TTLL11: variants seen among roughly 807,000 people sequenced by gnomAD.
TTLL11 encodes tubulin tyrosine ligase like 11.
Under a neutral mutation model 51.7 loss-of-function variants are expected in TTLL11, and 42 were observed. The observed-to-expected ratio is 0.81, with a 90% CI of 0.64 to 1.05. TTLL11 has a LOEUF of 1.05. Among genes scored for constraint, TTLL11 ranks in the 50% least tolerant of loss-of-function variants. The probability of loss-of-function intolerance (pLI) is 0.00; values close to 1 mark genes in which losing one functional copy is unlikely to be tolerated. For synonymous variants in TTLL11, 381 were observed against 383.5 expected (o/e 0.99, Z 0.08); for missense variants, 799 against 940.4 (o/e 0.85, Z 1.97).
At chr9:122,024,149 T>A (rs1371474049) in intron 3 of TTLL11, among the ~76,000 whole-genome samples, 1 of 152,126 alleles carries the variant, frequency 6.6e-6, no homozygotes, top group African/African-American at 2.4e-5. Context: ...TATTTTTACA[T>A]ACAATGAACA....
chr9:121,976,646 A>G (rs1053301057), intron 4 of TTLL11, among the ~76,000 whole-genome samples: 1 of 152,194 alleles, frequency 6.6e-6, no homozygotes, highest in African/African-American at 2.4e-5. Flanking sequence ...GTTAAATGAT[A>G]ATTATTAAAC....
intron 6 of TTLL11, among the ~76,000 whole-genome samples, chr9:121,923,190 A>G (rs1212182917): frequency 6.6e-6 from 1 of 152,210 alleles, no homozygotes; most frequent in East Asian, 1.9e-4. Flanking sequence ...GTACCACATA[A>G]ATGTCTGATT....
intron 8 of TTLL11, among the ~76,000 whole-genome samples, chr9:121,859,925 G>A (rs899237888): frequency 1.3e-5 from 2 of 152,120 alleles, no homozygotes; most frequent in Admixed American, 6.5e-5. Flanking sequence ...CTCTCCCTCC[G>A]AGCCAGGCAT....
intron 1 of TTLL11, among the ~76,000 whole-genome samples, chr9:122,071,764 C>T (rs79110765): frequency 9.2e-5 from 14 of 152,126 alleles, no homozygotes; most frequent in African/African-American, 3.4e-4. Flanking sequence ...CAGAGGGTTG[C>T]GGGAGACTCA....
chr9:121,836,503 G>A (rs1176672740), intron 8 of TTLL11, among the ~76,000 whole-genome samples: 1 of 152,166 alleles, frequency 6.6e-6, no homozygotes, highest in Non-Finnish European at 1.5e-5. Context: ...CCTGGGAGCT[G>A]AAATGTGCAA....
intron 3 of TTLL11, among the ~76,000 whole-genome samples, chr9:122,011,464 G>C (rs1017747525): frequency 6.6e-6 from 1 of 152,082 alleles, no homozygotes; most frequent in Non-Finnish European, 1.5e-5. Context: ...CCCATAACTA[G>C]TGTGTGTTTT....
Position 121,873,310 on chromosome 9 carries a change from G to A in TTLL11, c.1482-2562C>T, listed in dbSNP as rs79215261. Among the ~76,000 whole-genome samples the A allele has an allele frequency of 9.5e-3, 1,445 of 151,790 alleles. 28 individuals are homozygous for A. Among genetic ancestry groups the A allele is most frequent in the African/African-American group, 0.033 (1,371 of 41,362 alleles). ...GCACCTGTATCATCTAGCTGAACTG[G>A]AATTATAAGTCAGTTCTTATAATCC... On this transcript the variant is annotated intron_variant, in intron 6 of 8. Transcript: ENST00000321582.
chr9:121,940,439 G>T (rs899266558), intron 6 of TTLL11, among the ~76,000 whole-genome samples: 2 of 151,858 alleles, frequency 1.3e-5, no homozygotes, highest in Non-Finnish European at 2.9e-5. Context: ...CCAGGTTCAA[G>T]CGATTCTCCT....
intron 7 of TTLL11, among the ~76,000 whole-genome samples, chr9:121,866,962 T>C (rs1185219804): frequency 6.6e-6 from 1 of 152,174 alleles, no homozygotes; most frequent in Non-Finnish European, 1.5e-5. Flanking sequence ...GCAAATGCCC[T>C]TAATTATAGA....
intron 8 of TTLL11, among the ~76,000 whole-genome samples, chr9:121,846,396 G>T (rs1050500330): frequency 4.6e-5 from 7 of 152,084 alleles, no homozygotes; most frequent in African/African-American, 1.7e-4. Context: ...ATTGGTAAGG[G>T]TATAGTTGAA....
Position 121,989,504 on chromosome 9 carries a change from A to G in TTLL11, c.960T>C (p.Ser320=). ...LEIYIAKDGL[S]RFCTEPYQEP... Reference sequence around the variant, plus strand: ...CCTGATATGGCTCGGTACAAAACCTAGAGAGTCCGTCTTTGGCTATATAAA... The same window carrying G: ...CCTGATATGGCTCGGTACAAAACCTGGAGAGTCCGTCTTTGGCTATATAAA... The change falls in exon 4 of 9, where the codon TCT becomes TCC. Residue 320 remains serine (S), a synonymous_variant. Coordinates refer to ENST00000321582, the MANE Select transcript of TTLL11 (RefSeq NM_001139442.2). This position sits in a 1 kb window ranked among gnomAD's most constrained non-coding sequence, Gnocchi z 4.2. The G allele has an allele frequency of 1.9e-6, 3 of 1,614,148 alleles. No homozygotes were observed. Among genetic ancestry groups the G allele is most frequent in the Non-Finnish European group, 2.5e-6 (3 of 1,180,022 alleles).
chr9:122,063,107 A>T (rs976814571), intron 1 of TTLL11, among the ~76,000 whole-genome samples: 10 of 152,126 alleles, frequency 6.6e-5, no homozygotes, highest in African/African-American at 2.2e-4. Context: ...TATCATCTTA[A>T]TTGCTCCTTT....
chr9:121,959,300 C>T (rs558192777), intron 6 of TTLL11, among the ~76,000 whole-genome samples: 3 of 152,330 alleles, frequency 2.0e-5, no homozygotes, highest in Non-Finnish European at 4.4e-5. Context: ...GGGGACCAAA[C>T]CGTCCCTGTC....
chr9:121,931,136 C>A (rs771357938), intron 6 of TTLL11, among the ~76,000 whole-genome samples: 1 of 152,262 alleles, frequency 6.6e-6, no homozygotes, highest in South Asian at 2.1e-4. Context: ...TATCTCCCTG[C>A]TCCACCTGGC....
intron 3 of TTLL11, among the ~76,000 whole-genome samples, chr9:122,002,944 C>CAAAAAAAAAAA (rs547408355): frequency 4.9e-5 from 3 of 61,238 alleles, no homozygotes; most frequent in African/African-American, 8.4e-5. Flanking sequence ...GACTCTGTCT[C>CAAAAAAAAAAA]AAAAAAAAAA....
chr9:121,887,636 T>C (rs931381823), intron 6 of TTLL11, among the ~76,000 whole-genome samples: 11 of 152,182 alleles, frequency 7.2e-5, no homozygotes, highest in African/African-American at 2.7e-4. Flanking sequence ...GACTATGCCT[T>C]GGCATGGGAT....
At chr9:122,083,387 C>T (rs1846046738) in intron 1 of TTLL11, among the ~76,000 whole-genome samples, 1 of 152,184 alleles carries the variant, frequency 6.6e-6, no homozygotes. Context: ...GAGACCCCTG[C>T]TCCCCAACCC....
chr9:121,860,152 G>A (rs1269558036), intron 8 of TTLL11, among the ~76,000 whole-genome samples, 185 bp downstream of exon 8: 1 of 152,220 alleles, frequency 6.6e-6, no homozygotes, highest in African/African-American at 2.4e-5. Flanking sequence ...GCTAACGGTG[G>A]TATGAGAATT....
intron 3 of TTLL11, among the ~76,000 whole-genome samples, chr9:122,028,492 G>C (rs889695700): frequency 6.6e-6 from 1 of 152,164 alleles, no homozygotes; most frequent in African/African-American, 2.4e-5. Flanking sequence ...ACTGATAAAG[G>C]AGTCAAATCA....
Sources: gnomAD v4.1 joint callset for allele counts (sites outside exome capture counted in the v4.1 genomes callset) on GRCh38, gnomAD v4.1.1 for gene constraint, Gnocchi (gnomAD v3.1) non-coding constraint, MANE v1.5 for transcripts, NCBI Gene and HGNC (gene_info 2026-07-23, HGNC 2026-07-21) for gene names.